The following ZDHHC11 variants were observed in gnomAD, a reference collection of about 807,000 sequenced individuals.
The protein encoded by ZDHHC11 is zDHHC palmitoyltransferase 11.
Under a neutral mutation model 51.3 loss-of-function variants are expected in ZDHHC11, and 44 were observed. The ratio of observed to expected loss-of-function variants is 0.86; its 90% CI spans 0.67 to 1.10. The LOEUF (loss-of-function observed/expected upper bound fraction) is 1.10, where lower values mean the gene tolerates loss of function less well. Ranked by LOEUF, ZDHHC11 falls within the 50% of genes least tolerant of loss-of-function variation. The pLI, the probability that ZDHHC11 is intolerant of heterozygous loss-of-function variation, is 0.00. For missense variants in ZDHHC11, 400 were observed against 537.7 expected (o/e 0.74, Z 2.53); for synonymous variants, 163 against 222.0 (o/e 0.73, Z 2.36).
chr5:852,513 G>A (rs562899728), upstream of ZDHHC11, among the ~76,000 whole-genome samples: 3 of 152,162 alleles, frequency 2.0e-5, no homozygotes, highest in South Asian at 6.2e-4. Context: ...AGAGGACAAC[G>A]AGCAGCGGGG....
At chr5:802,872 A>AAAAAAAAAAAAAAAAC (rs1561228390) in intron 11 of ZDHHC11, among the ~76,000 whole-genome samples, 1 of 110,648 alleles carries the variant, frequency 9.0e-6, no homozygotes, top group African/African-American at 3.5e-5. Flanking sequence ...AAAAAAAAAA[A>AAAAAAAAAAAAAAAAC]AAGCTAAATG....
rs778415506 is a variant in ZDHHC11 at position 815,299 on chromosome 5, C to T, written c.1147-504G>A. On this transcript the variant is annotated intron_variant, in intron 10 of 12. Transcript: ENST00000283441. ...TGCAGATATGTGAGAAAATACATTT[C>T]TTGTTCCAACACCCCATGTGTGGTT... Among the ~76,000 whole-genome samples, 9 of 151,040 alleles carry T rather than the reference C, an allele frequency of 6.0e-5. 1 individual carries two copies. Among genetic ancestry groups the T allele is most frequent in the Non-Finnish European group, 1.0e-4 (7 of 67,604 alleles).
At chr5:854,714 C>G (rs1747886931), upstream of ZDHHC11, among the ~76,000 whole-genome samples, 2 of 149,332 alleles carry the variant, frequency 1.3e-5, no homozygotes, top group South Asian at 4.3e-4. Context: ...GGACAGACCG[C>G]ACAGAGGACA....
intron 10 of ZDHHC11, among the ~76,000 whole-genome samples, chr5:818,421 G>A (rs1433187400): frequency 6.6e-6 from 1 of 151,680 alleles, no homozygotes; most frequent in Non-Finnish European, 1.5e-5. Flanking sequence ...CCTCCAGGCT[G>A]GCTGATCCCT....
Position 816,350 on chromosome 5 carries a change from C to T in ZDHHC11, c.1147-1555G>A, listed in dbSNP as rs964188192. The stretch of plus-strand genomic sequence containing the variant: ...GGGAGACTCAGAGGCGGACAGATGG[C>T]GGCAGCAGCTGCACGGGCGGGAGGG... On this transcript the variant is annotated intron_variant, in intron 10 of 12. Transcript: ENST00000283441. 11 of 341,850 alleles carry T rather than the reference C, an allele frequency of 3.2e-5. 1 individual carries two copies. Among genetic ancestry groups the T allele is most frequent in the African/African-American group, 9.4e-5 (4 of 42,744 alleles). The allele number at this position is 341,850 out of a possible 1,614,324, so 21.2% of individuals were successfully genotyped here. A position where few individuals can be genotyped will look rare whatever the true frequency, so the allele number is the denominator to read the frequency against.
chr5:844,750 C>T (rs549250403), intron 3 of ZDHHC11, among the ~76,000 whole-genome samples: 117 of 152,304 alleles, frequency 7.7e-4, no homozygotes, highest in African/African-American at 2.7e-3. Flanking sequence ...GTCCCCCCTT[C>T]TCCAAGGGTC....
intron 4 of ZDHHC11, chr5:842,112 A>T: frequency 2.0e-6 from 2 of 986,634 alleles, no homozygotes; most frequent in South Asian, 9.4e-5. Context: ...AAACCCAGGA[A>T]TTCACTCAGG....
intron 7 of ZDHHC11, among the ~76,000 whole-genome samples, chr5:829,378 G>A (rs1255916117): frequency 6.6e-5 from 10 of 151,910 alleles, no homozygotes; most frequent in African/African-American, 2.4e-4. Flanking sequence ...ACACCGTTAT[G>A]CACACAAACT....
At chr5:818,193 C>T (rs1473586668) in intron 10 of ZDHHC11, among the ~76,000 whole-genome samples, 9 of 151,032 alleles carry the variant, frequency 6.0e-5, no homozygotes, top group South Asian at 2.1e-4. Flanking sequence ...GCAGAGAGAC[C>T]GAGGGGACTC....
At chr5:815,444 T>C (rs1422901746) in intron 10 of ZDHHC11, among the ~76,000 whole-genome samples, 4 of 151,598 alleles carry the variant, frequency 2.6e-5, no homozygotes, top group Admixed American at 6.6e-5. Context: ...AAGTACATGC[T>C]CAGCATCTGA....
At position 841,007 on chromosome 5, in the gene ZDHHC11, A is replaced by C. The variant is rs1285545733; in HGVS notation, c.629-357T>G. 4 of 1,235,670 alleles carry C rather than the reference A, an allele frequency of 3.2e-6. No homozygotes were observed. In the African/African-American group the frequency reaches 5.1e-5, roughly 16 times the overall value. The allele number at this position is 1,235,670 out of a possible 1,614,324, so 76.5% of individuals were successfully genotyped here. On this transcript the variant is annotated intron_variant, in intron 4 of 12. Coordinates refer to ENST00000283441, the MANE Select transcript of ZDHHC11 (RefSeq NM_024786.3). ...ACCCCTTCCTAAGTGCCGGGGTCAC[A>C]GCGCCCACCCCCCTTCCTCACTAAG...
chr5:854,452 G>C (rs1320810941), upstream of ZDHHC11, among the ~76,000 whole-genome samples: 2 of 149,628 alleles, frequency 1.3e-5, no homozygotes, highest in Non-Finnish European at 3.0e-5. Flanking sequence ...CGGGGAGACA[G>C]ACCCCACGGA....
At chr5:853,247 C>G (rs1237259408), upstream of ZDHHC11, among the ~76,000 whole-genome samples, 3 of 141,744 alleles carry the variant, frequency 2.1e-5, no homozygotes, top group Non-Finnish European at 4.5e-5. Flanking sequence ...CCACGGAGGA[C>G]AGTGAGCAGC....
At chr5:819,411 GAC>G in intron 10 of ZDHHC11, 112 bp downstream of exon 10, 4 of 1,141,640 alleles carry the variant, frequency 3.5e-6, no homozygotes, top group Non-Finnish European at 3.9e-6. Flanking sequence ...AGCACCCTTG[GAC>G]ACAGAGTGCT....
At chr5:841,126 CCCTT>C (rs1204931499) in intron 4 of ZDHHC11, 5 of 947,896 alleles carry the variant, frequency 5.3e-6, no homozygotes, top group Admixed American at 1.9e-4. Context: ...CAGCACCCAT[CCCTT>C]CCTTATTTAG....
At chr5:834,120 G>C (rs1408257362) in intron 6 of ZDHHC11, among the ~76,000 whole-genome samples, 1 of 152,308 alleles carries the variant, frequency 6.6e-6, no homozygotes, top group South Asian at 2.1e-4. Context: ...CAGGAGACTT[G>C]CAATTTCTCT....
chr5:816,380 G>A (rs1328659965), intron 10 of ZDHHC11: 13 of 397,828 alleles, frequency 3.3e-5, no homozygotes, highest in South Asian at 5.8e-5. Context: ...GGAGGGGGGC[G>A]GTAGCGCAGG....
At chr5:820,975 T>C (rs1424728256) in intron 9 of ZDHHC11, among the ~76,000 whole-genome samples, 1 of 151,196 alleles carries the variant, frequency 6.6e-6, no homozygotes, top group Non-Finnish European at 1.5e-5. Flanking sequence ...GCCTTTCAAT[T>C]TGATGGGGAA....
At chr5:799,252 C>T (rs143217077) in intron 12 of ZDHHC11, among the ~76,000 whole-genome samples, 2,665 of 151,030 alleles carry the variant, frequency 0.018, 25 homozygotes, top group African/African-American at 0.061. Context: ...GGCCTGGAGC[C>T]TCCCCCAGCC....
Sources: gnomAD v4.1 joint callset for allele counts (sites outside exome capture counted in the v4.1 genomes callset) on GRCh38, gnomAD v4.1.1 for gene constraint, MANE v1.5 for transcripts, NCBI Gene and HGNC (gene_info 2026-07-23, HGNC 2026-07-21) for gene names.